CIB1: variants seen among roughly 807,000 people sequenced by gnomAD.
CIB1 encodes the protein calcium and integrin binding 1.
In CIB1, 19 loss-of-function variants were observed where a neutral mutation model predicts 25.0. The observed-to-expected ratio is 0.76, with a 90% CI of 0.53 to 1.12. The LOEUF is 1.12. CIB1 is among the 50% of genes most tolerant of loss of function. The probability of loss-of-function intolerance (pLI) is 0.00; values close to 1 mark genes in which losing one functional copy is unlikely to be tolerated. For synonymous variants in CIB1, 104 were observed against 98.5 expected (o/e 1.06, Z -0.33); for missense variants, 236 against 242.6 (o/e 0.97, Z 0.18).
chr15:90,257,362 T>C, the CIB1 span: 1 of 1,514,514 alleles, frequency 6.6e-7, no homozygotes, highest in African/African-American at 1.4e-5. Flanking sequence ...GAGAGGTTTG[T>C]CACTGTCACC....
At chr15:90,234,216 T>A, upstream of CIB1, 2 of 269,238 alleles carry the variant, frequency 7.4e-6, no homozygotes, top group South Asian at 1.5e-4. Flanking sequence ...TGCGTATGCG[T>A]CACGGGCGTC....
the CIB1 span, among the ~76,000 whole-genome samples, chr15:90,251,207 G>A: frequency 1.4e-5 from 2 of 144,002 alleles, no homozygotes; most frequent in Non-Finnish European, 1.5e-5. Context: ...TCCGCCTCCC[G>A]GGTTCAGGCC....
the CIB1 span, chr15:90,241,212 C>A: frequency 3.3e-5 from 53 of 1,614,024 alleles, no homozygotes; most frequent in Non-Finnish European, 4.5e-5. Context: ...GAATGTGGAG[C>A]GTGGTGTGCA....
At chr15:90,241,798 C>A in the CIB1 span, 8 of 1,614,206 alleles carry the variant, frequency 5.0e-6, no homozygotes, top group Non-Finnish European at 4.2e-6. Flanking sequence ...GGAGCTCCGC[C>A]GGGAAAGACA....
the CIB1 span, among the ~76,000 whole-genome samples, chr15:90,246,317 G>T: frequency 1.3e-5 from 2 of 152,026 alleles, no homozygotes; most frequent in Admixed American, 6.6e-5. Flanking sequence ...AACTCTTCAT[G>T]CAGGGCCTCA....
chr15:90,250,884 G>A, the CIB1 span: 60 of 1,613,168 alleles, frequency 3.7e-5, no homozygotes, highest in South Asian at 1.2e-4. Flanking sequence ...AGGCGGAAAC[G>A]CAGGTAACTA....
the CIB1 span, among the ~76,000 whole-genome samples, chr15:90,245,964 C>A: frequency 6.6e-6 from 1 of 152,190 alleles, no homozygotes; most frequent in African/African-American, 2.4e-5. Flanking sequence ...AGGACCTCCC[C>A]ACGTTTTTGC....
intron 2 of CIB1, 63 bp from the exon 3 acceptor site, chr15:90,232,390 A>C (rs1596171793): frequency 6.6e-7 from 1 of 1,516,098 alleles, no homozygotes; most frequent in Non-Finnish European, 8.9e-7. Flanking sequence ...GTTCATTCCC[A>C]CTCCTTGCCT....
intron 3 of CIB1, among the ~76,000 whole-genome samples, chr15:90,231,864 AC>A (rs1962501420): frequency 6.6e-6 from 1 of 152,256 alleles, no homozygotes; most frequent in African/African-American, 2.4e-5. Flanking sequence ...TGTTACAGGC[AC>A]CGGGCCAGGC....
At chr15:90,247,678 C>T in the CIB1 span, among the ~76,000 whole-genome samples, 6 of 151,270 alleles carry the variant, frequency 4.0e-5, 1 homozygote, top group African/African-American at 9.8e-5. Flanking sequence ...GTGGCTGAAC[C>T]GGGAAAGAAG....
At chr15:90,262,552 G>A in the CIB1 span, 1 of 1,533,264 alleles carries the variant, frequency 6.5e-7, no homozygotes, top group Non-Finnish European at 8.7e-7. Flanking sequence ...GCACTAAGAG[G>A]CAAAAGGCCA....
chr15:90,234,897 A>G (rs1487734647), upstream of CIB1, among the ~76,000 whole-genome samples: 2 of 152,250 alleles, frequency 1.3e-5, no homozygotes, highest in African/African-American at 4.8e-5. Flanking sequence ...GCAAAAGGTA[A>G]GGATTCCAAA....
At chr15:90,256,593 CTTTCTT>C in the CIB1 span, among the ~76,000 whole-genome samples, 9 of 39,056 alleles carry the variant, frequency 2.3e-4, no homozygotes, top group Admixed American at 1.4e-3. Flanking sequence ...TTCTTTCTTT[CTTTCTT>C]TCTTTCTTTC....
chr15:90,257,577 G>A, the CIB1 span: 26 of 1,500,930 alleles, frequency 1.7e-5, no homozygotes, highest in Middle Eastern at 1.0e-3. Context: ...AGGTAATGAA[G>A]GGCTGGAGAG....
chr15:90,265,317 G>A, the CIB1 span: 1 of 1,209,128 alleles, frequency 8.3e-7, no homozygotes, highest in Non-Finnish European at 1.0e-6. Context: ...TCCCAGAGAA[G>A]CCGAGTGCCC....
the CIB1 span, chr15:90,244,463 G>A: frequency 6.6e-6 from 1 of 152,272 alleles, no homozygotes; most frequent in East Asian, 1.9e-4. Flanking sequence ...ACTATTCTAA[G>A]AGAGTATGTG....
At chr15:90,255,545 A>G in the CIB1 span, among the ~76,000 whole-genome samples, 1 of 151,954 alleles carries the variant, frequency 6.6e-6, no homozygotes, top group Admixed American at 6.6e-5. Flanking sequence ...CTCAGTGTGG[A>G]TGTGTGTGTT....
upstream of CIB1, chr15:90,234,011 C>T: frequency 1.8e-6 from 2 of 1,090,836 alleles, no homozygotes; most frequent in Non-Finnish European, 2.5e-6. Flanking sequence ...CACCCCCGGG[C>T]CCGCCCCCTC....
At chr15:90,257,002 G>A in the CIB1 span, 1 of 846,364 alleles carries the variant, frequency 1.2e-6, no homozygotes, top group East Asian at 2.9e-5. Flanking sequence ...CATTTATTAA[G>A]TGGGAGTAAT....
Sources: gnomAD v4.1 joint callset for allele counts (sites outside exome capture counted in the v4.1 genomes callset) on GRCh38, gnomAD v4.1.1 for gene constraint, MANE v1.5 for transcripts, NCBI Gene and HGNC (gene_info 2026-07-23, HGNC 2026-07-21) for gene names.